The following CSMD1 variants were observed in gnomAD, a reference collection of about 807,000 sequenced individuals.
CSMD1 encodes the protein CUB and sushi domain-containing protein 1.
A neutral mutation model predicts 417.5 loss-of-function variants in CSMD1; 213 were observed. The observed-to-expected ratio is 0.51, with a 90% CI of 0.46 to 0.57. CSMD1 has a LOEUF of 0.57. Ranked by LOEUF, CSMD1 falls within the 20% of genes least tolerant of loss-of-function variation. The probability of loss-of-function intolerance (pLI) is 0.00; values close to 1 mark genes in which losing one functional copy is unlikely to be tolerated. For synonymous variants in CSMD1, 2,862 were observed against 1,736.8 expected, an observed-to-expected ratio of 1.65 and a Z score of -16.11; for missense variants, 6,923 against 4,529.7, an observed-to-expected ratio of 1.53 and a Z score of -15.17.
chr8:4,505,864 G>A (rs1337321296), intron 2 of CSMD1, among the ~76,000 whole-genome samples: 1 of 151,452 alleles, frequency 6.6e-6, no homozygotes, highest in Non-Finnish European at 1.5e-5. Flanking sequence ...ACAGTGGCGC[G>A]ATCTCATCTC....
At chr8:3,525,528 G>A (rs1797719068) in intron 10 of CSMD1, among the ~76,000 whole-genome samples, 1 of 152,152 alleles carries the variant, frequency 6.6e-6, no homozygotes, top group Admixed American at 6.5e-5. Context: ...ATTTTACTCT[G>A]AAAATATTGG....
chr8:3,194,687 C>G (rs1167727592), intron 33 of CSMD1, among the ~76,000 whole-genome samples: 1 of 150,716 alleles, frequency 6.6e-6, no homozygotes, highest in Non-Finnish European at 1.5e-5. Flanking sequence ...CCACGCTGGT[C>G]TCAAACTCCT....
At chr8:4,264,226 A>T (rs1020969162) in intron 3 of CSMD1, among the ~76,000 whole-genome samples, 1 of 152,186 alleles carries the variant, frequency 6.6e-6, no homozygotes, top group African/African-American at 2.4e-5. Context: ...TAATTATTAG[A>T]ATTTCCTCGT....
At chr8:3,434,013 C>G (rs780394077) in intron 12 of CSMD1, among the ~76,000 whole-genome samples, 10 of 152,200 alleles carry the variant, frequency 6.6e-5, no homozygotes, top group Non-Finnish European at 1.3e-4. Context: ...AGTGATTTCT[C>G]TGCTTTCTCA....
At chr8:3,628,506 G>A (rs1796604353) in intron 7 of CSMD1, among the ~76,000 whole-genome samples, 1 of 152,194 alleles carries the variant, frequency 6.6e-6, no homozygotes, top group South Asian at 2.1e-4. Context: ...TAGCTATGAT[G>A]CACACAGTAA....
chr8:3,993,329 T>G (rs528310641), intron 5 of CSMD1, among the ~76,000 whole-genome samples: 1 of 152,320 alleles, frequency 6.6e-6, no homozygotes, highest in East Asian at 1.9e-4. Context: ...TCAGGGAGTC[T>G]GTTACTCAGC....
At chr8:3,028,098 T>C (rs1213950467) in intron 51 of CSMD1, among the ~76,000 whole-genome samples, 2 of 152,204 alleles carry the variant, frequency 1.3e-5, no homozygotes, top group African/African-American at 4.8e-5. Flanking sequence ...TACTGCGCTG[T>C]GCCAGCCGCA....
intron 26 of CSMD1, among the ~76,000 whole-genome samples, chr8:3,273,926 C>A (rs928149498): frequency 4.6e-5 from 7 of 151,964 alleles, no homozygotes; most frequent in Middle Eastern, 3.2e-3. Context: ...TCTCTATTTC[C>A]TTCAGTTCTA....
intron 1 of CSMD1, among the ~76,000 whole-genome samples, chr8:4,767,687 G>C (rs763780215): frequency 1.3e-5 from 2 of 152,126 alleles, no homozygotes; most frequent in Non-Finnish European, 2.9e-5. Context: ...TTTTATGAAA[G>C]CATTCACAGG....
At chr8:4,916,486 T>C (rs1209400466) in intron 1 of CSMD1, among the ~76,000 whole-genome samples, 3 of 152,256 alleles carry the variant, frequency 2.0e-5, no homozygotes, top group Non-Finnish European at 4.4e-5. Flanking sequence ...TTGCAATGTA[T>C]GTTTTCTTTC....
chr8:2,999,889 G>T, intron 53 of CSMD1, 69 bp downstream of exon 53: 1 of 1,387,770 alleles, frequency 7.2e-7, no homozygotes, highest in South Asian at 1.4e-5. Context: ...TGTATATTGT[G>T]ACCTAATAAC....
intron 3 of CSMD1, among the ~76,000 whole-genome samples, chr8:4,043,506 AACAG>A (rs1310786220): frequency 6.6e-6 from 1 of 152,248 alleles, no homozygotes; most frequent in African/African-American, 2.4e-5. Context: ...TTTAAATACA[AACAG>A]ACAAATAGAT....
intron 48 of CSMD1, among the ~76,000 whole-genome samples, chr8:3,089,184 C>T (rs1814751782): frequency 6.6e-6 from 1 of 152,220 alleles, no homozygotes; most frequent in Non-Finnish European, 1.5e-5. Context: ...CTGGTCCTTC[C>T]ACTCTGCTGG....
At chr8:4,938,355 A>T (rs997651203) in intron 1 of CSMD1, among the ~76,000 whole-genome samples, 12 of 152,178 alleles carry the variant, frequency 7.9e-5, no homozygotes, top group Non-Finnish European at 1.6e-4. Context: ...AGATTCCAAA[A>T]TGCTTCCCAA....
chr8:4,210,244 G>C (rs1029968387), intron 3 of CSMD1, among the ~76,000 whole-genome samples: 1 of 152,178 alleles, frequency 6.6e-6, no homozygotes, highest in Admixed American at 6.5e-5. Flanking sequence ...TCACAGGAGG[G>C]GCAGAGGACT....
chr8:4,596,354 G>A (rs930653654), intron 2 of CSMD1, among the ~76,000 whole-genome samples: 3 of 152,170 alleles, frequency 2.0e-5, no homozygotes, highest in African/African-American at 7.2e-5. Flanking sequence ...CTCTCTAAGG[G>A]TCTCAGGGAG....
At chr8:4,906,246 C>A (rs7826671) in intron 1 of CSMD1, among the ~76,000 whole-genome samples, 1 of 152,086 alleles carries the variant, frequency 6.6e-6, no homozygotes, top group Non-Finnish European at 1.5e-5. Context: ...GAAGATGACA[C>A]TTCCTGAACT....
rs529505743 is a variant in CSMD1, at chr8:4,905,688, C to T, written c.85+88644G>A. 9.0e-4 allele frequency among the ~76,000 whole-genome samples: 136 copies of T among 151,744 alleles called. 2 individuals are homozygous for T. Among genetic ancestry groups the T allele is most frequent in the African/African-American group, 1.7e-3 (72 of 41,410 alleles). On this transcript the variant is annotated intron_variant, in intron 1 of 69. Coordinates refer to ENST00000635120, the MANE Select transcript of CSMD1 (RefSeq NM_033225.6). The stretch of plus-strand genomic sequence containing the variant: ...CAAAAAAATTAGCCGGGCGTGGTGG[C>T]GGGCGCCTGTAGTCCCAGCTCCTCG...
intron 3 of CSMD1, among the ~76,000 whole-genome samples, chr8:4,310,240 TCA>T (rs1798486398): frequency 6.6e-6 from 1 of 152,168 alleles, no homozygotes; most frequent in African/African-American, 2.4e-5. Context: ...AATTAACTTA[TCA>T]CACAGAAAAA....
Sources: allele counts gnomAD v4.1 joint callset (sites outside exome capture counted in the v4.1 genomes callset), GRCh38; gene constraint gnomAD v4.1.1; transcripts MANE v1.5; gene names NCBI Gene and HGNC (gene_info 2026-07-23, HGNC 2026-07-21).